STPG4: variants seen among roughly 807,000 people sequenced by gnomAD.
The protein encoded by STPG4 is protein STPG4.
A neutral mutation model predicts 31.5 loss-of-function variants in STPG4; 41 were observed. That is an observed-to-expected ratio of 1.30 (90% confidence interval 1.01 to 1.69). STPG4 has a LOEUF of 1.69. STPG4 is among the 40% of genes most tolerant of loss of function. The pLI is 0.00. For missense variants in STPG4, 375 were observed against 293.4 expected (o/e 1.28, Z -2.03); for synonymous variants, 141 against 103.0 (o/e 1.37, Z -2.24).
intron 5 of STPG4, among the ~76,000 whole-genome samples, chr2:47,122,801 T>TTTTG (rs144787784): frequency 0.24 from 35,665 of 151,696 alleles, 4,317 homozygotes; most frequent in South Asian, 0.28. Flanking sequence ...TATTTCTGTT[T>TTTTG]TTTGTTTGTT....
intron 3 of STPG4, among the ~76,000 whole-genome samples, chr2:47,144,878 G>A (rs898999201): frequency 6.6e-6 from 1 of 152,032 alleles, no homozygotes; most frequent in Non-Finnish European, 1.5e-5. Flanking sequence ...CTACAGGTGC[G>A]TGCCACCATG....
rs1686170450 is a variant in STPG4 at position 47,117,213 on chromosome 2, GT to G, written c.519+12727del. On this transcript the variant is annotated intron_variant, in intron 5 of 6. Transcript: ENST00000445927. ...ACAAAGAAGATGCATGTGGTTTTTT[GT>G]TTTTGTTTTTTTGAGAAGGACTTTC... 2.0e-5 allele frequency among the ~76,000 whole-genome samples: 3 copies of G among 152,176 alleles called. No homozygotes were observed. The South Asian group carries it at 6.2e-4, about 32-fold the overall frequency.
chr2:47,141,329 A>G (rs1686699400), intron 3 of STPG4, among the ~76,000 whole-genome samples: 1 of 151,702 alleles, frequency 6.6e-6, no homozygotes, highest in Admixed American at 6.6e-5. Flanking sequence ...CTTTCTCAAA[A>G]AAAAAAAAAA....
intron 3 of STPG4, among the ~76,000 whole-genome samples, chr2:47,132,749 T>C (rs1274258104): frequency 1.3e-5 from 2 of 152,162 alleles, no homozygotes; most frequent in Non-Finnish European, 2.9e-5. Flanking sequence ...AAAATGTGCA[T>C]ATTTGCTTTA....
chr2:47,147,863 C>G (rs1162198359), intron 3 of STPG4, among the ~76,000 whole-genome samples: 1 of 151,902 alleles, frequency 6.6e-6, no homozygotes, highest in Non-Finnish European at 1.5e-5. Flanking sequence ...AGAAAAATTA[C>G]AGAGCTACCT....
chr2:47,091,516 A>C (rs1000264552), intron 5 of STPG4, among the ~76,000 whole-genome samples: 2 of 152,132 alleles, frequency 1.3e-5, no homozygotes, highest in African/African-American at 4.8e-5. Context: ...CCATTTTCAA[A>C]TAGCTAGGGT....
intron 3 of STPG4, among the ~76,000 whole-genome samples, chr2:47,147,778 GAGA>G (rs550548877): frequency 1.9e-3 from 293 of 152,208 alleles, no homozygotes; most frequent in Non-Finnish European, 3.4e-3. Flanking sequence ...TGTACATATG[GAGA>G]AGGTGGTCCC....
intron 5 of STPG4, among the ~76,000 whole-genome samples, chr2:47,128,127 A>G (rs139120779): frequency 1.2e-3 from 177 of 152,266 alleles, no homozygotes; most frequent in Non-Finnish European, 2.2e-3. Context: ...AGTCTTGGAT[A>G]AGATCTGAGC....
In STPG4 at chr2:47,155,107, G is replaced by A. The variant is rs1687004630; in HGVS notation, c.81+64C>T. 2.0e-6 allele frequency: 3 copies of A among 1,501,038 alleles called. No homozygotes were observed. The East Asian group carries it at 6.8e-5, about 34-fold the overall frequency. The allele number at this position is 1,501,038 out of a possible 1,614,324, so 93.0% of individuals were successfully genotyped here. A position where few individuals can be genotyped will look rare whatever the true frequency, so the allele number is the denominator to read the frequency against. ...AAGGCCTGGGATTAGAGAGCGGTGG[G>A]AAAAGGGTAGTGGGCCTGGTGAGGG... is the stretch of plus-strand genomic sequence containing the variant. On this transcript the variant is annotated intron_variant, in intron 1 of 6. Coordinates refer to ENST00000445927, the MANE Select transcript of STPG4 (RefSeq NM_001163561.2).
intron 2 of STPG4, 84 bp downstream of exon 2, chr2:47,152,873 G>A: frequency 2.1e-6 from 2 of 958,488 alleles, no homozygotes; most frequent in Non-Finnish European, 3.1e-6. Flanking sequence ...TTACAATTTA[G>A]TGTTAGTCTT....
At chr2:47,111,170 A>G (rs1558676371) in intron 5 of STPG4, among the ~76,000 whole-genome samples, 1 of 152,210 alleles carries the variant, frequency 6.6e-6, no homozygotes, top group Non-Finnish European at 1.5e-5. Flanking sequence ...GCAATAGACA[A>G]GAAAAGCACT....
intron 6 of STPG4, among the ~76,000 whole-genome samples, chr2:47,089,479 C>T (rs1400969467): frequency 2.6e-5 from 4 of 152,210 alleles, no homozygotes; most frequent in Admixed American, 2.0e-4. Flanking sequence ...TCCAACTTCT[C>T]CTTCTAGCCC....
intron 5 of STPG4, among the ~76,000 whole-genome samples, chr2:47,094,380 ATC>A (rs1009490989): frequency 4.6e-5 from 7 of 152,184 alleles, no homozygotes; most frequent in Middle Eastern, 3.2e-3. Context: ...CCTTTACAGT[ATC>A]TATTCCTCAG....
chr2:47,108,887 T>C (rs1459466509), intron 5 of STPG4: 3 of 152,260 alleles, frequency 2.0e-5, no homozygotes, highest in African/African-American at 7.2e-5. Context: ...CCCTGCTAAA[T>C]GGGCAGGGTG....
At chr2:47,100,690 G>T (rs1232012388) in intron 5 of STPG4, among the ~76,000 whole-genome samples, 2 of 151,676 alleles carry the variant, frequency 1.3e-5, no homozygotes, top group Non-Finnish European at 2.9e-5. Flanking sequence ...CACCGCGAAG[G>T]TCTGCAGCTT....
intron 3 of STPG4, among the ~76,000 whole-genome samples, chr2:47,149,199 A>G (rs1385832637): frequency 3.3e-5 from 5 of 152,222 alleles, no homozygotes; most frequent in African/African-American, 1.2e-4. Flanking sequence ...GAAAGAAGAA[A>G]GAAACAGAAA....
chr2:47,134,774 C>T (rs1046344217), intron 3 of STPG4, among the ~76,000 whole-genome samples: 2 of 152,164 alleles, frequency 1.3e-5, no homozygotes, highest in Admixed American at 6.6e-5. Flanking sequence ...TTTTAAAAAA[C>T]GGCCAAACTG....
chr2:47,116,244 G>T (rs781557800), intron 5 of STPG4, among the ~76,000 whole-genome samples: 2 of 152,150 alleles, frequency 1.3e-5, no homozygotes, highest in Non-Finnish European at 2.9e-5. Context: ...TTTAAGAGGT[G>T]ATTAGGCCCC....
intron 3 of STPG4, among the ~76,000 whole-genome samples, chr2:47,135,041 A>G (rs1265178656): frequency 6.6e-6 from 1 of 152,048 alleles, no homozygotes; most frequent in Non-Finnish European, 1.5e-5. Context: ...TGTTTAATTG[A>G]GTTGTTTTCT....
Sources: allele counts gnomAD v4.1 joint callset (sites outside exome capture counted in the v4.1 genomes callset), GRCh38; gene constraint gnomAD v4.1.1; transcripts MANE v1.5; gene names NCBI Gene and HGNC (gene_info 2026-07-23, HGNC 2026-07-21).